The following DPYD variants were observed in gnomAD, a reference collection of about 807,000 sequenced individuals.
The protein encoded by DPYD is dihydropyrimidine dehydrogenase [NADP(+)].
In DPYD, 109 loss-of-function variants were observed where a neutral mutation model predicts 116.2. The ratio of observed to expected loss-of-function variants is 0.94; its 90% confidence interval spans 0.80 to 1.10. DPYD has a LOEUF of 1.10. Ranked by LOEUF, DPYD falls within the 50% of genes least tolerant of loss-of-function variation. DPYD has a pLI of 0.00. For synonymous variants in DPYD, 440 were observed against 432.0 expected (o/e 1.02, Z -0.23); for missense variants, 1,302 against 1,254.5 (o/e 1.04, Z -0.57).
At chr1:97,829,168 T>C (rs1669399554) in intron 2 of DPYD, among the ~76,000 whole-genome samples, 1 of 151,846 alleles carries the variant, frequency 6.6e-6, no homozygotes, top group Admixed American at 6.6e-5. Flanking sequence ...AAAAACTAAA[T>C]GACAAAATTT....
intron 7 of DPYD, among the ~76,000 whole-genome samples, chr1:97,687,764 G>A (rs2100939727): frequency 6.6e-6 from 1 of 152,116 alleles, no homozygotes; most frequent in African/African-American, 2.4e-5. Context: ...AAGAAAATGT[G>A]GTACATATAC....
intron 1 of DPYD, among the ~76,000 whole-genome samples, chr1:97,918,242 G>A (rs1192474372): frequency 1.3e-5 from 2 of 152,016 alleles, no homozygotes; most frequent in African/African-American, 4.8e-5. Context: ...ACAAGATGCT[G>A]TCAACTTGTG....
chr1:97,392,347 T>C (rs1235691277), intron 14 of DPYD, among the ~76,000 whole-genome samples: 3 of 151,968 alleles, frequency 2.0e-5, no homozygotes, highest in Non-Finnish European at 4.4e-5. Context: ...TCTTTCTCAC[T>C]CTTTTTTTTC....
At chr1:97,879,065 C>A (rs1231727718) in intron 2 of DPYD, among the ~76,000 whole-genome samples, 2 of 152,034 alleles carry the variant, frequency 1.3e-5, no homozygotes, top group African/African-American at 4.8e-5. Flanking sequence ...AGCTCTCTGG[C>A]AATTGCATAG....
intron 13 of DPYD, among the ~76,000 whole-genome samples, chr1:97,459,153 T>C (rs542502375): frequency 7.2e-5 from 11 of 151,940 alleles, no homozygotes; most frequent in Non-Finnish European, 1.3e-4. Flanking sequence ...TATGAGCAAA[T>C]AGAATTTCTA....
At chr1:97,227,675 G>A (rs1012119264) in intron 19 of DPYD, among the ~76,000 whole-genome samples, 10 of 145,550 alleles carry the variant, frequency 6.9e-5, no homozygotes, top group African/African-American at 2.8e-4. Context: ...AACTAGTAGT[G>A]AAGAAGAACC....
chr1:97,843,615 G>C (rs1188094962), intron 2 of DPYD, among the ~76,000 whole-genome samples: 1 of 152,152 alleles, frequency 6.6e-6, no homozygotes. Flanking sequence ...GACCTTGTTT[G>C]ATGGAATACC....
rs190243105 is a variant in DPYD at position 97,431,077 on chromosome 1, C to T, written c.1905+18982G>A. Among the ~76,000 whole-genome samples, 234 of 152,178 alleles carry T rather than the reference C, an allele frequency of 1.5e-3. 2 individuals carry two copies. The highest frequency in any genetic ancestry group is 0.011 in the Admixed American group (172 of 15,278). On this transcript the variant is annotated intron_variant, in intron 14 of 22. Transcript: ENST00000370192. ...TTTTTCTTAAGAAATATTTATTGCG[C>T]TCCCCTTATGCACCAGCCATTCTTC...
chr1:97,442,602 G>A (rs1207522019), intron 14 of DPYD, among the ~76,000 whole-genome samples: 2 of 151,850 alleles, frequency 1.3e-5, no homozygotes, highest in African/African-American at 4.8e-5. Context: ...GAAGTAAAAT[G>A]AATGAATGAT....
chr1:97,326,708 T>A (rs570880886), intron 16 of DPYD, among the ~76,000 whole-genome samples: 5 of 152,094 alleles, frequency 3.3e-5, no homozygotes, highest in African/African-American at 1.2e-4. Context: ...TGGCAACTTA[T>A]GGGAATGTAG....
At chr1:97,100,906 A>G (rs538940673) in intron 20 of DPYD, among the ~76,000 whole-genome samples, 211 of 152,192 alleles carry the variant, frequency 1.4e-3, no homozygotes, top group Non-Finnish European at 2.4e-3. Flanking sequence ...CACATTTGCC[A>G]TACATAAATT....
chr1:97,490,084 TC>T (rs1446669150), intron 13 of DPYD, among the ~76,000 whole-genome samples: 1 of 151,984 alleles, frequency 6.6e-6, no homozygotes, highest in Non-Finnish European at 1.5e-5. Flanking sequence ...CTACCTCTAC[TC>T]CATAGTGCTA....
At chr1:97,124,375 C>T (rs1411625758) in intron 20 of DPYD, among the ~76,000 whole-genome samples, 2 of 152,008 alleles carry the variant, frequency 1.3e-5, no homozygotes, top group Admixed American at 1.3e-4. Flanking sequence ...GCTAACTGAG[C>T]TGCAATGCTT....
chr1:97,427,996 G>A (rs999269074), intron 14 of DPYD, among the ~76,000 whole-genome samples: 1 of 152,066 alleles, frequency 6.6e-6, no homozygotes, highest in African/African-American at 2.4e-5. Context: ...AAATGGCTAA[G>A]TATTTATGGT....
chr1:97,214,506 T>C lies in DPYD; in HGVS notation c.2442+20346A>G, dbSNP rs140093463. ...TTTATGAATATTCAACCACGTTGGA[T>C]AATCACAAGTGTAGAAGAGAGTAAT... On this transcript the variant is annotated intron_variant, in intron 19 of 22. Coordinates refer to ENST00000370192, the MANE Select transcript of DPYD (RefSeq NM_000110.4). Among the ~76,000 whole-genome samples the C allele has an allele frequency of 4.3e-3, 662 of 152,318 alleles. 7 individuals carry two copies. Among genetic ancestry groups the C allele is most frequent in the African/African-American group, 0.015 (635 of 41,574 alleles).
rs563615523 is a variant in DPYD at position 97,429,123 on chromosome 1, T to A, written c.1905+20936A>T. On this transcript the variant is annotated intron_variant, in intron 14 of 22. Transcript: ENST00000370192. Reference sequence around the variant, plus strand: ...ACAAATTATTATGTAGTCTTAATAATCATACAGAGATAATGTTAAACATTC... The same window carrying A: ...ACAAATTATTATGTAGTCTTAATAAACATACAGAGATAATGTTAAACATTC... Among the ~76,000 whole-genome samples, 149 of 152,132 alleles carry A rather than the reference T, an allele frequency of 9.8e-4. 3 individuals are homozygous for A. The highest frequency in any genetic ancestry group is 3.4e-3 in the African/African-American group (142 of 41,554).
At chr1:97,257,488 T>C (rs1182478015) in intron 18 of DPYD, among the ~76,000 whole-genome samples, 5 of 141,838 alleles carry the variant, frequency 3.5e-5, no homozygotes, top group Non-Finnish European at 7.5e-5. Context: ...ACGTGAGTTA[T>C]GTAAATATAC....
At chr1:97,332,510 T>C (rs1669062742) in intron 16 of DPYD, among the ~76,000 whole-genome samples, 1 of 152,210 alleles carries the variant, frequency 6.6e-6, no homozygotes, top group East Asian at 1.9e-4. Context: ...ATGATTTCGT[T>C]GAGTTTTGTG....
intron 3 of DPYD, among the ~76,000 whole-genome samples, chr1:97,824,144 T>G (rs1185738299): frequency 2.0e-5 from 3 of 152,180 alleles, no homozygotes; most frequent in Non-Finnish European, 4.4e-5. Context: ...GTTTTGTTGT[T>G]AATTCTGTTG....
Sources: allele counts gnomAD v4.1 joint callset (sites outside exome capture counted in the v4.1 genomes callset), GRCh38; gene constraint gnomAD v4.1.1; transcripts MANE v1.5; gene names NCBI Gene and HGNC (gene_info 2026-07-23, HGNC 2026-07-21).